The following TAF1C variants were observed in gnomAD, a reference collection of about 807,000 sequenced individuals.
The protein encoded by TAF1C is TATA-box binding protein associated factor, RNA polymerase I subunit C.
Under a neutral mutation model 70.5 loss-of-function variants are expected in TAF1C, and 79 were observed. The ratio of observed to expected loss-of-function variants is 1.12; its 90% confidence interval spans 0.93 to 1.35. The LOEUF is 1.35. Ranked by LOEUF, TAF1C falls within the 40% of genes most tolerant of loss-of-function variation. TAF1C has a pLI of 0.00. For missense variants in TAF1C, 1,412 were observed against 1,127.8 expected (o/e 1.25, Z -3.61); for synonymous variants, 614 against 491.1 (o/e 1.25, Z -3.31).
At position 84,183,415 on chromosome 16, in the gene TAF1C, C is replaced by T; in HGVS notation, c.313G>A (p.Glu105Lys). 6.2e-7 allele frequency: 1 copy of T among 1,612,828 alleles called. No individual in the cohort carries two copies. The highest frequency in any genetic ancestry group is 8.5e-7 in the Non-Finnish European group (1 of 1,179,334). ...TCCCCCGTGGGCCCACTCACCTGCTCAGTCACATCCAGCACGACTCGGGGC... is the reference window on the plus strand; with the variant it reads ...TCCCCCGTGGGCCCACTCACCTGCTTAGTCACATCCAGCACGACTCGGGGC... Reference protein sequence around the residue: ...KRPRVVLDVTEQISRFLLDHG... With the variant: ...KRPRVVLDVTKQISRFLLDHG... The change falls in exon 4 of 15, where the codon GAG (glutamate) becomes AAG (lysine). Residue 105 changes from glutamate (E) to lysine (K), a missense_variant. By Grantham distance (56) the Glu-to-Lys change is moderately conservative. Transcript: ENST00000566732.
At position 84,178,287 on chromosome 16, in the gene TAF1C, G is replaced by T; in HGVS notation, c.*654C>A. Reference sequence around the variant, plus strand: ...GCCAGACCCATGTCCCAAGGGAGAAGGAACATCAGCCATCATCTCTCTGCA... The same window carrying T: ...GCCAGACCCATGTCCCAAGGGAGAATGAACATCAGCCATCATCTCTCTGCA... On this transcript the variant is annotated 3_prime_UTR_variant, in exon 15 of 15. Coordinates refer to ENST00000566732, the MANE Select transcript of TAF1C (RefSeq NM_001243156.2). 3 of 455,748 alleles carry T rather than the reference G, an allele frequency of 6.6e-6. 1 individual carries two copies. Among genetic ancestry groups the T allele is most frequent in the South Asian group, 4.7e-5 (3 of 64,374 alleles). 28.2% of individuals were successfully genotyped at this position (455,748 alleles called of 1,614,324 possible).
rs909627116 is a variant in TAF1C at position 84,182,776 on chromosome 16, A to C, written c.482+300T>G. ...TAAGCCATCTTGCTGCTACCTAGAG[A>C]CAGCCTGTCTAGGGAACTGTGCAGG... On this transcript the variant is annotated intron_variant, in intron 6 of 14. Coordinates refer to ENST00000566732, the MANE Select transcript of TAF1C (RefSeq NM_001243156.2). The surrounding 1 kb of genome is among the most constrained non-coding windows in gnomAD (Gnocchi z 5.0). Among the ~76,000 whole-genome samples, 22 of 152,128 alleles carry C rather than the reference A, an allele frequency of 1.4e-4. No homozygotes were observed. Among genetic ancestry groups the C allele is most frequent in the African/African-American group, 5.1e-4 (21 of 41,432 alleles).
chr16:84,181,181 C>A lies in TAF1C; in HGVS notation c.1170G>T (p.Pro390=), dbSNP rs751893970. The A allele has an allele frequency of 2.7e-5, 43 of 1,607,220 alleles. No individual in the cohort carries two copies. The highest frequency in any genetic ancestry group is 5.0e-5 in the Admixed American group (3 of 59,842). The part of the protein sequence containing the change: ...TGVKMLDTQG[P]PGCGLLLFRL... ...GAAAAAGCAACAGACCACAGCCCGGCGGGCCCTGGAAGATAAACACAGGGT... is the reference window on the plus strand; with the variant it reads ...GAAAAAGCAACAGACCACAGCCCGGAGGGCCCTGGAAGATAAACACAGGGT... The change falls in exon 12 of 15, where the codon CCG becomes CCT. Residue 390 remains proline (P), a synonymous_variant. Transcript: ENST00000566732.
intron 11 of TAF1C, 49 bp downstream of exon 11, chr16:84,181,279 C>G: frequency 1.9e-6 from 3 of 1,607,336 alleles, no homozygotes; most frequent in Non-Finnish European, 2.6e-6. Flanking sequence ...ACTCACCGCT[C>G]TGCGGCCGCT....
rs138108090 is a variant in TAF1C at position 84,183,001 on chromosome 16, G to A, written c.482+75C>T. ...AAGTGGGTATGACGGAAAGCTGTAC[G>A]TGCGTCCTAGCACCTCCTACATCCC... On this transcript the variant is annotated intron_variant, in intron 6 of 14. Coordinates refer to ENST00000566732, the MANE Select transcript of TAF1C (RefSeq NM_001243156.2). The A allele has an allele frequency of 3.2e-4, 470 of 1,474,216 alleles. 1 individual carries two copies. The African/African-American group carries it at 3.4e-3, about 11-fold the overall frequency. The allele number at this position is 1,474,216 out of a possible 1,614,324, so 91.3% of individuals were successfully genotyped here.
rs749983910 is a variant in TAF1C, at chr16:84,184,940, G to C, written c.49C>G (p.Leu17Val). 1.2e-6 allele frequency: 2 copies of C among 1,613,900 alleles called. No individual in the cohort carries two copies. The highest frequency in any genetic ancestry group is 1.1e-5 in the South Asian group (1 of 91,040). Residue 17 changes from leucine (L) to valine (V), a missense_variant, in exon 2 of 15, where the codon CTT (leucine) becomes GTT (valine). Leu to Val is a conservative substitution (Grantham distance 32, BLOSUM62 1). Coordinates refer to ENST00000566732, the MANE Select transcript of TAF1C (RefSeq NM_001243156.2). Reference protein sequence around the residue: ...LRPALFLTGPLGLSDVPDLSF... With the variant: ...LRPALFLTGPVGLSDVPDLSF... ...AGGTCAGGGACGTCGCTCAGACCAA[G>C]GGGGCCGGTCAGAAACAATGCAGGG...
chr16:84,181,710 C>G (rs1404212330), intron 9 of TAF1C, 36 bp downstream of exon 9: 3 of 1,613,870 alleles, frequency 1.9e-6, no homozygotes, highest in Non-Finnish European at 2.5e-6. Context: ...GCCCTGCCTC[C>G]AGCCCCTCCT....
In TAF1C at chr16:84,178,935, G is replaced by A. The variant is rs1048596405; in HGVS notation, c.*6C>T. The A allele has an allele frequency of 6.3e-7, 1 of 1,586,540 alleles. No individual in the cohort carries two copies. The highest frequency in any genetic ancestry group is 1.7e-4 in the Middle Eastern group (1 of 5,736). ...CTGGGGCTTGAGGGCAGCCCACCTT[G>A]TGTCCTCAGAAGCCCATTCGAGGCT... On this transcript the variant is annotated 3_prime_UTR_variant, in exon 15 of 15. Transcript: ENST00000566732.
chr16:84,178,875 G>A lies in TAF1C; in HGVS notation c.*66C>T, dbSNP rs540368001. 3.4e-6 allele frequency: 5 copies of A among 1,478,482 alleles called. No individual in the cohort carries two copies. The Admixed American group carries it at 8.8e-5, about 26-fold the overall frequency. 91.6% of individuals were successfully genotyped at this position (1,478,482 alleles called of 1,614,324 possible). On this transcript the variant is annotated 3_prime_UTR_variant, in exon 15 of 15. Transcript: ENST00000566732. ...GCTTCTCAAGTTTCAACTGTGGAAG[G>A]CACATCTGGTCCCAGAGGAAGGATG...
rs2278042 is a variant in TAF1C at position 84,180,142 on chromosome 16, C to T, written c.1483+28G>A. The T allele has an allele frequency of 0.35, 545,580 of 1,558,786 alleles. 98,353 individuals carry two copies. Among genetic ancestry groups the T allele is most frequent in the Admixed American group, 0.45 (21,395 of 47,972 alleles). On this transcript the variant is annotated intron_variant, in intron 13 of 14. Transcript: ENST00000566732. ...GGCCCCGACCGCCCCATCTCCCACA[C>T]GCCGCCCACCCTGGCCTGGACCCTC... is the stretch of plus-strand genomic sequence containing the variant.
rs1428926130 is a variant in TAF1C, at chr16:84,182,391, C to T, written c.532G>A (p.Gly178Arg). 8 of 1,606,662 alleles carry T rather than the reference C, an allele frequency of 5.0e-6. No homozygotes were observed. The highest frequency in any genetic ancestry group is 6.8e-6 in the Non-Finnish European group (8 of 1,177,972). ...ACCGACGTGCCCAGGATGGGGCCCCCGAGGATAGAGAAGCGGCGCTGTCGG... is the reference window on the plus strand; with the variant it reads ...ACCGACGTGCCCAGGATGGGGCCCCTGAGGATAGAGAAGCGGCGCTGTCGG... ...SNRQRRFSIL[G>R]GPILGTSVAS... Residue 178 changes from glycine to arginine, a missense_variant, in exon 7 of 15, where the codon GGG (glycine) becomes AGG (arginine). Transcript: ENST00000566732. This position sits in a 1 kb window ranked among gnomAD's most constrained non-coding sequence, Gnocchi z 5.0.
Position 84,179,105 on chromosome 16 carries a change from G to C in TAF1C, c.2368C>G (p.Arg790Gly), listed in dbSNP as rs767404676. ...GVPSEQRQML[R>G]DYMAKLPPQR... is the part of the protein sequence containing the mutation. ...GGTGGTAGCTTGGCCATGTAGTCAC[G>C]GAGCATCTGCCGCTGCTCTGATGGG... Residue 790 changes from arginine (R) to glycine (G), a missense_variant, in exon 15 of 15, where the codon CGT becomes GGT. By Grantham distance (125) the Arg-to-Gly change is moderately radical. Coordinates refer to ENST00000566732, the MANE Select transcript of TAF1C (RefSeq NM_001243156.2). The C allele has an allele frequency of 2.5e-6, 4 of 1,609,440 alleles. No individual in the cohort carries two copies. Among genetic ancestry groups the C allele is most frequent in the Non-Finnish European group, 3.4e-6 (4 of 1,178,564 alleles).
chr16:84,184,118 G>C (rs4150134), intron 2 of TAF1C, among the ~76,000 whole-genome samples: 2 of 152,298 alleles, frequency 1.3e-5, no homozygotes, highest in Non-Finnish European at 2.9e-5. Flanking sequence ...TTCCATTCAG[G>C]AGACCTTGCA....
intron 6 of TAF1C, 36 bp downstream of exon 6, chr16:84,183,040 G>T (rs2089291085): frequency 1.2e-6 from 2 of 1,607,800 alleles, no homozygotes; most frequent in South Asian, 1.1e-5. Context: ...CACCAGCTAT[G>T]CCTATCCATC....
chr16:84,185,078 C>A lies in TAF1C; in HGVS notation c.-72-18G>T, dbSNP rs2089410534. 16 of 1,463,674 alleles carry A rather than the reference C, an allele frequency of 1.1e-5. No homozygotes were observed. The South Asian group carries it at 2.2e-4, about 20-fold the overall frequency. The allele number at this position is 1,463,674 out of a possible 1,614,324, so 90.7% of individuals were successfully genotyped here. ...CAGAGTTCCTGAGGAGTGAAAAGTG[C>A]ACTACGGGAAGCATATGTTCTTTGA... On this transcript the variant is annotated intron_variant, in intron 1 of 14. Coordinates refer to ENST00000566732, the MANE Select transcript of TAF1C (RefSeq NM_001243156.2).
rs1398358659 is a variant in TAF1C at position 84,178,043 on chromosome 16, C to T, written c.*898G>A. The T allele has an allele frequency of 7.0e-6, 4 of 570,728 alleles. No homozygotes were observed. Among genetic ancestry groups the T allele is most frequent in the South Asian group, 5.5e-5 (3 of 54,100 alleles). The allele number at this position is 570,728 out of a possible 1,614,324, so 35.4% of individuals were successfully genotyped here. A position where few individuals can be genotyped will look rare whatever the true frequency, so the allele number is the denominator to read the frequency against. On this transcript the variant is annotated 3_prime_UTR_variant, in exon 15 of 15. Coordinates refer to ENST00000566732, the MANE Select transcript of TAF1C (RefSeq NM_001243156.2). ...ATCAGAAACCAGACAGACCCGGGTC[C>T]CTGCAAAATCTCAAGTGAGCATTTT...
Position 84,182,269 on chromosome 16 carries a change from C to G in TAF1C, c.654G>C (p.Trp218Cys). ...DEACTGGALA[W>C]VPGRTPQFGQ... ...CGAACTGGGGTGTCCTTCCAGGAACCCAGGCCAGCGCGCCCCCAGTGCAGG... is the reference window on the plus strand; with the variant it reads ...CGAACTGGGGTGTCCTTCCAGGAACGCAGGCCAGCGCGCCCCCAGTGCAGG... The change falls in exon 7 of 15, where the codon TGG becomes TGC. Residue 218 changes from tryptophan (W) to cysteine (C), a missense_variant. Physicochemically the swap from Trp to Cys is radical, Grantham distance 215. Coordinates refer to ENST00000566732, the MANE Select transcript of TAF1C (RefSeq NM_001243156.2). This position sits in a 1 kb window ranked among gnomAD's most constrained non-coding sequence, Gnocchi z 5.0. The G allele has an allele frequency of 1.2e-6, 2 of 1,613,058 alleles. No homozygotes were observed. The highest frequency in any genetic ancestry group is 8.5e-7 in the Non-Finnish European group (1 of 1,179,988).
chr16:84,180,731 C>A (rs2089126185), intron 12 of TAF1C: 9 of 1,151,538 alleles, frequency 7.8e-6, no homozygotes, highest in Admixed American at 7.6e-5. Flanking sequence ...TTCCTCAGAG[C>A]CCCCGCCTCC....
chr16:84,183,038 A>G, intron 6 of TAF1C, 38 bp downstream of exon 6: 1 of 1,607,232 alleles, frequency 6.2e-7, no homozygotes, highest in Non-Finnish European at 8.5e-7. Context: ...ACCACCAGCT[A>G]TGCCTATCCA....
Sources: gnomAD v4.1 joint callset for allele counts (sites outside exome capture counted in the v4.1 genomes callset) on GRCh38, gnomAD v4.1.1 for gene constraint, Gnocchi (gnomAD v3.1) non-coding constraint, MANE v1.5 for transcripts, NCBI Gene and HGNC (gene_info 2026-07-23, HGNC 2026-07-21) for gene names.